Variants in PTPRS observed in about 807,000 individuals in gnomAD.
PTPRS encodes receptor-type tyrosine-protein phosphatase S.
PTPRS carries 63 observed loss-of-function variants against 215.3 expected under a neutral mutation model. The observed-to-expected ratio is 0.29, with a 90% CI of 0.24 to 0.36. The LOEUF (loss-of-function observed/expected upper bound fraction) is 0.36, where lower values mean the gene tolerates loss of function less well. Ranked by LOEUF, PTPRS falls within the 10% of genes least tolerant of loss-of-function variation. PTPRS has a pLI of 1.00. For synonymous variants in PTPRS, 1,404 were observed against 1,191.4 expected (o/e 1.18, Z -3.68); for missense variants, 2,258 against 2,825.8 (o/e 0.80, Z 4.56).
chr19:5,245,484 G>A (rs1490065024), intron 10 of PTPRS, among the ~76,000 whole-genome samples: 2 of 151,782 alleles, frequency 1.3e-5, no homozygotes, highest in African/African-American at 4.8e-5. Context: ...GTAGAGAAGG[G>A]GCCTGGCTAT....
chr19:5,310,517 C>T (rs1208362243), intron 1 of PTPRS, among the ~76,000 whole-genome samples: 2 of 151,910 alleles, frequency 1.3e-5, no homozygotes, highest in Non-Finnish European at 2.9e-5. Context: ...AGGGTTTCAC[C>T]ATGTTGGCCA....
chr19:5,229,251 TCACAG>T, intron 16 of PTPRS, 60 bp downstream of exon 16: 2 of 1,339,562 alleles, frequency 1.5e-6, no homozygotes, highest in Non-Finnish European at 1.9e-6. Context: ...CGTGCAGGAG[TCACAG>T]CACAGCACGG....
At chr19:5,209,166 C>T (rs2040638087) in intron 35 of PTPRS, among the ~76,000 whole-genome samples, 1 of 152,150 alleles carries the variant, frequency 6.6e-6, no homozygotes, top group South Asian at 2.1e-4. Context: ...CATCCTTAAC[C>T]ATTCAGTGAT....
intron 35 of PTPRS, among the ~76,000 whole-genome samples, chr19:5,208,645 G>A (rs1265566472): frequency 6.6e-6 from 1 of 151,972 alleles, no homozygotes; most frequent in Admixed American, 6.6e-5. Flanking sequence ...ACCAGGCCCG[G>A]CCCTCACCCC....
chr19:5,236,873 C>T, intron 13 of PTPRS, among the ~76,000 whole-genome samples: 1 of 140,916 alleles, frequency 7.1e-6, no homozygotes, highest in East Asian at 2.0e-4. Context: ...AAACAACAAT[C>T]AAGGAATGTG....
At chr19:5,246,241 T>C (rs2044475501) in intron 9 of PTPRS, among the ~76,000 whole-genome samples, 196 bp from the exon 10 acceptor site, 1 of 151,942 alleles carries the variant, frequency 6.6e-6, no homozygotes, top group African/African-American at 2.4e-5. Context: ...CCTCTGTTGA[T>C]TTTTTTCCCC....
chr19:5,259,549 G>A (rs1183245432), intron 7 of PTPRS, among the ~76,000 whole-genome samples: 5 of 152,152 alleles, frequency 3.3e-5, no homozygotes, highest in Non-Finnish European at 5.9e-5. Flanking sequence ...GTTTCCACAC[G>A]TATGTTTGTA....
chr19:5,252,803 G>A (rs1044457195), intron 9 of PTPRS, among the ~76,000 whole-genome samples: 15 of 147,270 alleles, frequency 1.0e-4, no homozygotes, highest in South Asian at 6.5e-4. Context: ...AACCCAGGAG[G>A]AGGAGGTTGC....
chr19:5,206,333 A>C lies in PTPRS; in HGVS notation c.*441T>G, dbSNP rs549264660. The stretch of plus-strand genomic sequence containing the variant: ...ACAGTTACACTGAGAGTTTTAAAAG[A>C]AAGCTGGATTCTGGTCCCAGCCCAG... On this transcript the variant is annotated 3_prime_UTR_variant, in exon 38 of 38. Transcript: ENST00000262963. The C allele has an allele frequency of 1.7e-5, 4 of 232,016 alleles. No individual in the cohort carries two copies. Among genetic ancestry groups the C allele is most frequent in the East Asian group, 6.2e-5 (1 of 16,154 alleles). The allele number at this position is 232,016 out of a possible 1,614,324, so 14.4% of individuals were successfully genotyped here.
rs753569984 is a variant in PTPRS, at chr19:5,286,187, C to G, written c.-47G>C. 62 of 1,599,832 alleles carry G rather than the reference C, an allele frequency of 3.9e-5. No homozygotes were observed. Among genetic ancestry groups the G allele is most frequent in the South Asian group, 2.1e-4 (19 of 89,554 alleles). On this transcript the variant is annotated 5_prime_UTR_variant, in exon 2 of 38. Transcript: ENST00000262963. ...TCCGCCCTGGAGGGGGATGGCCCCC[C>G]GGTCCCTCACAGAGAGGCCTCGAGC...
intron 6 of PTPRS, 98 bp downstream of exon 6, chr19:5,262,866 A>G (rs1282836340): frequency 7.6e-7 from 1 of 1,322,356 alleles, no homozygotes; most frequent in East Asian, 2.5e-5. Context: ...CACAGTTACC[A>G]TCACGGTGGC....
At chr19:5,208,181 AC>A (rs2040542754) in intron 36 of PTPRS, 55 bp downstream of exon 36, 1 of 1,556,736 alleles carries the variant, frequency 6.4e-7, no homozygotes, top group African/African-American at 1.4e-5. Flanking sequence ...GGCTGTCCCC[AC>A]CAGGCCTCAG....
In PTPRS at chr19:5,207,999, G is replaced by T. The variant is rs1225347504; in HGVS notation, c.5701C>A (p.Arg1901=). The T allele has an allele frequency of 1.2e-6, 2 of 1,613,910 alleles. No homozygotes were observed. Among genetic ancestry groups the T allele is most frequent in the South Asian group, 1.1e-5 (1 of 91,090 alleles). Reference sequence around the variant, plus strand: ...AAGATGTCCACCACGCCTTCATACCGCATCCGCTCCAGCACGATGCTAAGC... The same window carrying T: ...AAGATGTCCACCACGCCTTCATACCTCATCCGCTCCAGCACGATGCTAAGC... ...ITLSIVLERM[R]YEGVVDIFQT... is the part of the protein sequence containing the mutation. Residue 1901 remains arginine (R), a synonymous_variant, in exon 37 of 38, where the codon CGG becomes AGG. Coordinates refer to ENST00000262963, the MANE Select transcript of PTPRS (RefSeq NM_002850.4).
intron 1 of PTPRS, among the ~76,000 whole-genome samples, chr19:5,313,489 G>A (rs4807720): frequency 0.75 from 114,518 of 152,102 alleles, 44,343 homozygotes; most frequent in African/African-American, 0.93. Context: ...AAAACAAATC[G>A]CTGCCAGTCT....
At position 5,265,134 on chromosome 19, in the gene PTPRS, G is replaced by A. The variant is rs748255589; in HGVS notation, c.442C>T (p.Arg148Trp). 1.9e-6 allele frequency: 3 copies of A among 1,614,098 alleles called. No individual in the cohort carries two copies. The highest frequency in any genetic ancestry group is 2.2e-5 in the East Asian group (1 of 44,884). The change falls in exon 5 of 38, where the codon CGG (arginine) becomes TGG (tryptophan). Residue 148 changes from arginine (R) to tryptophan (W), a missense_variant. Physicochemically the swap from Arg to Trp is moderately radical, Grantham distance 101. This residue lies in a region of PTPRS where 508 missense variants were observed against 799.4 expected (regional missense o/e 0.64). Coordinates refer to ENST00000262963, the MANE Select transcript of PTPRS (RefSeq NM_002850.4). The part of the protein sequence containing the change: ...DMGPQLKVVE[R>W]TRTATMLCAA... Reference sequence around the variant, plus strand: ...CAGAGCATGGTGGCTGTCCGTGTCCGCTCCACCACCTTCAACTGTGGGCCC... The same window carrying A: ...CAGAGCATGGTGGCTGTCCGTGTCCACTCCACCACCTTCAACTGTGGGCCC...
chr19:5,222,927 G>C lies in PTPRS; in HGVS notation c.2865C>G (p.Pro955=), dbSNP rs765115144. The C allele has an allele frequency of 6.4e-7, 1 of 1,559,196 alleles. No homozygotes were observed. The highest frequency in any genetic ancestry group is 8.6e-7 in the Non-Finnish European group (1 of 1,160,006). Residue 955 remains proline (P), a synonymous_variant, in exon 18 of 38, where the codon CCC becomes CCG. Coordinates refer to ENST00000262963, the MANE Select transcript of PTPRS (RefSeq NM_002850.4). ...TGACGATGGCCCCGTTGCGCTCGGC[G>C]GGCACGGGTGGCAGCCAGCGGAGAA... ...TVLLRWLPPV[P]AERNGAIVKY... is the part of the protein sequence containing the mutation.
At chr19:5,335,501 C>CAGGA (rs538748401) in intron 1 of PTPRS, among the ~76,000 whole-genome samples, 102 of 152,124 alleles carry the variant, frequency 6.7e-4, no homozygotes, top group Non-Finnish European at 1.3e-3. Context: ...GGAAGTCATC[C>CAGGA]AGGAAGGAAG....
chr19:5,277,378 G>A (rs949244358), intron 2 of PTPRS, among the ~76,000 whole-genome samples: 3 of 152,156 alleles, frequency 2.0e-5, no homozygotes, highest in South Asian at 2.1e-4. Flanking sequence ...GGAAAAAGCC[G>A]GGTGCGGTGG....
intron 1 of PTPRS, among the ~76,000 whole-genome samples, chr19:5,311,109 A>C (rs979515442): frequency 2.0e-5 from 3 of 151,910 alleles, no homozygotes; most frequent in Admixed American, 6.6e-5. Context: ...CGATCTCCTG[A>C]CCTCGTGATC....
Sources: allele counts gnomAD v4.1 joint callset (sites outside exome capture counted in the v4.1 genomes callset), GRCh38; gene constraint gnomAD v4.1.1; regional missense constraint gnomAD v4.1.1; transcripts MANE v1.5; gene names NCBI Gene and HGNC (gene_info 2026-07-23, HGNC 2026-07-21).